ARIH2: variants seen among roughly 807,000 people sequenced by gnomAD.
ARIH2 encodes the protein ariadne RBR E3 ubiquitin protein ligase 2.
A neutral mutation model predicts 79.8 loss-of-function variants in ARIH2; 12 were observed. That is an observed-to-expected ratio of 0.15 (90% CI 0.10 to 0.24). The LOEUF is 0.24. Among genes scored for constraint, ARIH2 ranks in the 10% least tolerant of loss-of-function variants. ARIH2 has a pLI of 1.00. For synonymous variants in ARIH2, 224 were observed against 213.9 expected, an observed-to-expected ratio of 1.05 and a Z score of -0.41; for missense variants, 301 against 618.3, an observed-to-expected ratio of 0.49 and a Z score of 5.44.
In ARIH2 at chr3:48,985,863, C is replaced by G. The variant is rs1012949474; in HGVS notation, c.*2593C>G. On this transcript the variant is annotated 3_prime_UTR_variant, in exon 16 of 16. Coordinates refer to ENST00000356401, the MANE Select transcript of ARIH2 (RefSeq NM_006321.4). Reference sequence around the variant, plus strand: ...ACTGATATAAATGTCCCAACCCCCCCATTCTGAGACCTCCGGACCCCTCCA... The same window carrying G: ...ACTGATATAAATGTCCCAACCCCCCGATTCTGAGACCTCCGGACCCCTCCA... The G allele has an allele frequency of 9.2e-5, 14 of 152,264 alleles. No individual in the cohort carries two copies. The highest frequency in any genetic ancestry group is 3.4e-4 in the African/African-American group (14 of 41,450). 9.4% of individuals were successfully genotyped at this position (152,264 alleles called of 1,614,324 possible).
At chr3:48,919,924 G>A (rs2084547309) in intron 1 of ARIH2, among the ~76,000 whole-genome samples, 1 of 152,020 alleles carries the variant, frequency 6.6e-6, no homozygotes, top group Non-Finnish European at 1.5e-5. Context: ...GCAAGCCCAG[G>A]ATGGTTGGTT....
At chr3:48,948,059 C>G (rs1358762424) in intron 3 of ARIH2, among the ~76,000 whole-genome samples, 1 of 152,072 alleles carries the variant, frequency 6.6e-6, no homozygotes, top group African/African-American at 2.4e-5. Flanking sequence ...CTCCCAGGTT[C>G]ACGCCATTCT....
At chr3:48,973,057 A>G (rs1481907411) in intron 8 of ARIH2, among the ~76,000 whole-genome samples, 1 of 152,212 alleles carries the variant, frequency 6.6e-6, no homozygotes, top group African/African-American at 2.4e-5. Flanking sequence ...ATGTCTTACA[A>G]AGGCTTAAGT....
chr3:48,945,661 A>G (rs909003712), intron 3 of ARIH2, among the ~76,000 whole-genome samples: 1 of 152,170 alleles, frequency 6.6e-6, no homozygotes, highest in East Asian at 1.9e-4. Context: ...GTTTGTTCCA[A>G]TGACTAATTT....
At chr3:48,964,204 A>G (rs2107556050) in intron 4 of ARIH2, among the ~76,000 whole-genome samples, 1 of 151,352 alleles carries the variant, frequency 6.6e-6, no homozygotes, top group South Asian at 2.1e-4. Flanking sequence ...ATAGGGTTTC[A>G]CCATATTGGC....
At chr3:48,939,777 CAAAAACAAAAAAACAAAAAAA>C (rs2087789280) in intron 3 of ARIH2, among the ~76,000 whole-genome samples, 1 of 127,554 alleles carries the variant, frequency 7.8e-6, no homozygotes, top group African/African-American at 3.0e-5. Context: ...AAAAAAAAAA[CAAAAACAAAAAAACAAAAAAA>C]AAAACTGAAG....
At chr3:48,969,187 T>C (rs1332457969) in intron 7 of ARIH2, among the ~76,000 whole-genome samples, 10 of 151,918 alleles carry the variant, frequency 6.6e-5, no homozygotes. Context: ...TCTTTTTTTT[T>C]TTTTTTTTAA....
chr3:48,978,305 G>C (rs1009071132), intron 11 of ARIH2, among the ~76,000 whole-genome samples: 5 of 149,948 alleles, frequency 3.3e-5, no homozygotes, highest in African/African-American at 1.2e-4. Context: ...ACCTAGGCTG[G>C]AGTGCAGTGG....
intron 3 of ARIH2, among the ~76,000 whole-genome samples, chr3:48,956,686 G>A (rs112292811): frequency 0.68 from 101,508 of 150,042 alleles, 34,886 homozygotes; most frequent in East Asian, 0.96. Context: ...GTGTGTGTGT[G>A]TGTGTGTGTG....
At chr3:48,943,568 G>C (rs1323245965) in intron 3 of ARIH2, 1 of 151,914 alleles carries the variant, frequency 6.6e-6, no homozygotes, top group Non-Finnish European at 1.5e-5. Context: ...GGCAGAGAAG[G>C]AATCCGTCAA....
intron 12 of ARIH2, chr3:48,980,097 G>T: frequency 2.9e-6 from 1 of 348,252 alleles, no homozygotes; most frequent in South Asian, 5.7e-5. Context: ...AGACCATCAG[G>T]GGCCTAGCTT....
Position 48,982,930 on chromosome 3 carries a change from T to A in ARIH2, c.1361T>A (p.Ile454Asn). The change falls in exon 15 of 16, where the codon ATC (isoleucine) becomes AAC (asparagine). Residue 454 changes from isoleucine to asparagine, a missense_variant. By Grantham distance (149) the Ile-to-Asn change is moderately radical. Coordinates refer to ENST00000356401, the MANE Select transcript of ARIH2 (RefSeq NM_006321.4). Reference sequence around the variant, plus strand: ...CAGCAGGCTCAGCTGGAGGCTGAGATCGAAAACCTCTCATGGAAAGTGGAG... The same window carrying A: ...CAGCAGGCTCAGCTGGAGGCTGAGAACGAAAACCTCTCATGGAAAGTGGAG... ...EYQQAQLEAE[I>N]ENLSWKVERA... 6.2e-7 allele frequency: 1 copy of A among 1,614,164 alleles called. No individual in the cohort carries two copies. The highest frequency in any genetic ancestry group is 8.5e-7 in the Non-Finnish European group (1 of 1,180,030).
chr3:48,973,003 C>G (rs1489264439), intron 8 of ARIH2, among the ~76,000 whole-genome samples: 1 of 152,240 alleles, frequency 6.6e-6, no homozygotes, highest in Non-Finnish European at 1.5e-5. Flanking sequence ...GCATGAATCA[C>G]TGCACTCGGC....
chr3:48,975,058 TCTGCCATGAAATGACAA>T, intron 11 of ARIH2, 79 bp downstream of exon 11: 1 of 1,612,020 alleles, frequency 6.2e-7, no homozygotes, highest in Non-Finnish European at 8.5e-7. Context: ...AGTGAGTACT[TCTGCCATGAAATGACAA>T]AACATAGAAG....
chr3:48,949,061 T>C (rs961132944), intron 3 of ARIH2: 3 of 456,754 alleles, frequency 6.6e-6, no homozygotes, highest in African/African-American at 2.0e-5. Context: ...ATTTCTCTTG[T>C]ATAGATAACT....
At chr3:48,978,415 T>G (rs1015358839) in intron 11 of ARIH2, among the ~76,000 whole-genome samples, 1 of 90,622 alleles carries the variant, frequency 1.1e-5, no homozygotes, top group African/African-American at 3.7e-5. Flanking sequence ...CCTGGCTAAT[T>G]TGTGTATGTG....
Position 48,973,756 on chromosome 3 carries a change from G to C in ARIH2, c.828G>C (p.Trp276Cys). The C allele has an allele frequency of 6.2e-7, 1 of 1,614,090 alleles. No homozygotes were observed. The highest frequency in any genetic ancestry group is 8.5e-7 in the Non-Finnish European group (1 of 1,180,000). Residue 276 changes from tryptophan to cysteine, a missense_variant, in exon 9 of 16, where the codon TGG (tryptophan) becomes TGC (cysteine). Trp to Cys is a radical substitution (Grantham distance 215). Coordinates refer to ENST00000356401, the MANE Select transcript of ARIH2 (RefSeq NM_006321.4). ...APTDCATIRK[W>C]LTKCADDSET... ...CAGACTGTGCCACAATCCGGAAATG[G>C]CTCACGAAGTGTGCAGACGACTCTG...
intron 3 of ARIH2, among the ~76,000 whole-genome samples, chr3:48,942,035 G>A (rs973374987): frequency 1.4e-5 from 2 of 146,012 alleles, no homozygotes; most frequent in Non-Finnish European, 3.0e-5. Context: ...ACAGGCACAC[G>A]CAACCATACC....
chr3:48,983,445 T>C lies in ARIH2; in HGVS notation c.*175T>C, dbSNP rs1483440905. 9.3e-6 allele frequency: 6 copies of C among 647,336 alleles called. No homozygotes were observed. The highest frequency in any genetic ancestry group is 1.6e-5 in the Non-Finnish European group (6 of 368,934). The allele number at this position is 647,336 out of a possible 1,614,324, so 40.1% of individuals were successfully genotyped here. A position where few individuals can be genotyped will look rare whatever the true frequency, so the allele number is the denominator to read the frequency against. ...TTCTGTTTTCTTCTCTTTTCACTTT[T>C]TGTTTCTACCAGGGTAGAGGCCATG... On this transcript the variant is annotated 3_prime_UTR_variant, in exon 16 of 16. Transcript: ENST00000356401.
Sources: gnomAD v4.1 joint callset for allele counts (sites outside exome capture counted in the v4.1 genomes callset) on GRCh38, gnomAD v4.1.1 for gene constraint, MANE v1.5 for transcripts, NCBI Gene and HGNC (gene_info 2026-07-23, HGNC 2026-07-21) for gene names.